ACSM4: variants seen among roughly 807,000 people sequenced by gnomAD.
ACSM4 encodes the protein acyl-CoA synthetase medium chain family member 4, also known as acyl-coenzyme A synthetase ACSM4, mitochondrial.
A neutral mutation model predicts 73.0 loss-of-function variants in ACSM4; 66 were observed. The ratio of observed to expected loss-of-function variants is 0.90; its 90% CI spans 0.74 to 1.11. ACSM4 has a LOEUF of 1.11. ACSM4 is among the 50% of genes least tolerant of loss of function. ACSM4 has a pLI of 0.00. For synonymous variants in ACSM4, 222 were observed against 254.0 expected, an observed-to-expected ratio of 0.87 and a Z score of 1.20; for missense variants, 645 against 714.4, an observed-to-expected ratio of 0.90 and a Z score of 1.11.
At chr12:7,310,039 C>T (rs1200609424) in intron 2 of ACSM4, among the ~76,000 whole-genome samples, 1 of 152,184 alleles carries the variant, frequency 6.6e-6, no homozygotes, top group African/African-American at 2.4e-5. Flanking sequence ...CTACTGGCCT[C>T]GCCTCCCAAA....
At chr12:7,304,702 C>T (rs888116805) in intron 1 of ACSM4, among the ~76,000 whole-genome samples, 170 bp downstream of exon 1, 2 of 152,146 alleles carry the variant, frequency 1.3e-5, no homozygotes, top group Non-Finnish European at 2.9e-5. Flanking sequence ...ATCTTAGATC[C>T]TCAGCCACAA....
At chr12:7,305,530 G>C (rs1225263172) in intron 1 of ACSM4, among the ~76,000 whole-genome samples, 1 of 152,134 alleles carries the variant, frequency 6.6e-6, no homozygotes, top group Non-Finnish European at 1.5e-5. Context: ...TAACAACCTG[G>C]GAGGTTTGCA....
chr12:7,314,708 TA>T (rs1160558337), intron 3 of ACSM4, among the ~76,000 whole-genome samples: 2 of 152,106 alleles, frequency 1.3e-5, no homozygotes, highest in East Asian at 3.8e-4. Context: ...TGTTTAAACA[TA>T]AGAGGTCTCC....
At chr12:7,317,026 C>G in intron 3 of ACSM4, 111 bp from the exon 4 acceptor site, 2 of 1,342,342 alleles carry the variant, frequency 1.5e-6, no homozygotes, top group African/African-American at 3.0e-5. Context: ...AGGTTCAGTT[C>G]TGTTAACTAT....
chr12:7,322,362 G>C, intron 6 of ACSM4, 56 bp from the exon 7 acceptor site: 8 of 1,608,740 alleles, frequency 5.0e-6, no homozygotes, highest in Non-Finnish European at 6.8e-6. Context: ...TAATTGTCTT[G>C]CAGTGAAAGC....
chr12:7,323,467 T>C lies in ACSM4; in HGVS notation c.1215T>C (p.Asp405=), dbSNP rs955641340. The change falls in exon 9 of 13, where the codon GAT becomes GAC. Residue 405 remains aspartate (D), a synonymous_variant. Coordinates refer to ENST00000399422, the MANE Select transcript of ACSM4 (RefSeq NM_001080454.2). ...TATTTCTTTCATTCCAGATTATAGA[T>C]GAAAATGGCAATGTTCTACCACCTG... ...GMLPYDVQII[D]ENGNVLPPGK... is the part of the protein sequence containing the mutation. 5.0e-6 allele frequency: 8 copies of C among 1,613,732 alleles called. No homozygotes were observed. Among genetic ancestry groups the C allele is most frequent in the Non-Finnish European group, 6.8e-6 (8 of 1,179,804 alleles).
intron 5 of ACSM4, chr12:7,318,520 A>G (rs1946437677): frequency 5.0e-6 from 1 of 199,396 alleles, no homozygotes; most frequent in Admixed American, 5.7e-5. Flanking sequence ...ATTCAATGAA[A>G]TAAAGATAAT....
Position 7,317,145 on chromosome 12 carries a change from C to T in ACSM4, c.629C>T (p.Ser210Phe). 6.2e-7 allele frequency: 1 copy of T among 1,611,138 alleles called. No homozygotes were observed. Among genetic ancestry groups the T allele is most frequent in the East Asian group, 2.2e-5 (1 of 44,690 alleles). Residue 210 changes from serine to phenylalanine, a missense_variant, in exon 4 of 13, where the codon TCT becomes TTT. Transcript: ENST00000399422. The stretch of plus-strand genomic sequence containing the variant: ...GGGTCCATATTTTGCAGATTCGCCT[C>T]TGAAGAGCACAGCTGTGTGGAAACA... ...LSFQELFQFA[S>F]EEHSCVETGS...
chr12:7,310,224 A>C (rs1281561310), intron 2 of ACSM4, among the ~76,000 whole-genome samples: 1 of 152,216 alleles, frequency 6.6e-6, no homozygotes, highest in East Asian at 1.9e-4. Flanking sequence ...CCACCATTAT[A>C]ATGTCTGCTC....
chr12:7,310,189 C>T (rs1452559010), intron 2 of ACSM4, among the ~76,000 whole-genome samples: 3 of 152,178 alleles, frequency 2.0e-5, no homozygotes, highest in African/African-American at 7.2e-5. Flanking sequence ...TCAAACGTGA[C>T]ATTAAAATGT....
chr12:7,316,821 A>G (rs1329653699), intron 3 of ACSM4, among the ~76,000 whole-genome samples: 1 of 152,190 alleles, frequency 6.6e-6, no homozygotes, highest in Non-Finnish European at 1.5e-5. Flanking sequence ...CTTAAAACAC[A>G]CTTGGAAAAA....
chr12:7,314,961 C>A (rs1946411044), intron 3 of ACSM4, among the ~76,000 whole-genome samples: 1 of 151,688 alleles, frequency 6.6e-6, no homozygotes, highest in African/African-American at 2.4e-5. Flanking sequence ...TTTGGGATCC[C>A]AAGGCAGGCA....
chr12:7,317,645 T>A (rs1565753827), intron 4 of ACSM4, among the ~76,000 whole-genome samples: 1 of 152,250 alleles, frequency 6.6e-6, no homozygotes, highest in Non-Finnish European at 1.5e-5. Context: ...TAATTACATT[T>A]ATTAATGTAC....
intron 11 of ACSM4, among the ~76,000 whole-genome samples, chr12:7,325,225 A>G (rs1946495076): frequency 6.6e-6 from 1 of 152,268 alleles, no homozygotes; most frequent in African/African-American, 2.4e-5. Context: ...AAGTTAGGGT[A>G]ATACTCCATA....
In ACSM4 at chr12:7,320,815, A is replaced by G. The variant is rs116375909; in HGVS notation, c.1001+11A>G. On this transcript the variant is annotated intron_variant, in intron 6 of 12. Transcript: ENST00000399422. ...AAAAGACCTTAAGAGGTACTTGGGC[A>G]GAAATCTCCATTTGAACCACAAACA... 1.2e-3 allele frequency: 1,935 copies of G among 1,599,700 alleles called. 25 individuals carry two copies. The African/African-American group carries it at 0.023, about 19-fold the overall frequency.
chr12:7,304,669 G>A lies in ACSM4; in HGVS notation c.201+137G>A, dbSNP rs991899003. 17 of 946,462 alleles carry A rather than the reference G, an allele frequency of 1.8e-5. No individual in the cohort carries two copies. In the East Asian group the frequency reaches 2.1e-4, roughly 12 times the overall value. 58.6% of individuals were successfully genotyped at this position (946,462 alleles called of 1,614,324 possible). A position where few individuals can be genotyped will look rare whatever the true frequency, so the allele number is the denominator to read the frequency against. ...GGTTTCCTTTGTTTGTTTTCCAATT[G>A]CCCTCCCCTCTCCCCAGGGAAGATC... On this transcript the variant is annotated intron_variant, in intron 1 of 12. Transcript: ENST00000399422.
chr12:7,321,337 C>T (rs1013435853), intron 6 of ACSM4, among the ~76,000 whole-genome samples: 4 of 152,158 alleles, frequency 2.6e-5, no homozygotes. Flanking sequence ...TATGAACATC[C>T]AGTAGAGTTG....
chr12:7,308,404 T>C (rs1344519556), intron 2 of ACSM4, among the ~76,000 whole-genome samples: 1 of 152,214 alleles, frequency 6.6e-6, no homozygotes, highest in African/African-American at 2.4e-5. Context: ...GATTATATTT[T>C]CTAACTCAGA....
chr12:7,308,467 C>A (rs1946372839), intron 2 of ACSM4, among the ~76,000 whole-genome samples: 1 of 152,070 alleles, frequency 6.6e-6, no homozygotes, highest in African/African-American at 2.4e-5. Flanking sequence ...TATCACATAG[C>A]AAAATATTTT....
Sources: gnomAD v4.1 joint callset for allele counts (sites outside exome capture counted in the v4.1 genomes callset) on GRCh38, gnomAD v4.1.1 for gene constraint, MANE v1.5 for transcripts, NCBI Gene and HGNC (gene_info 2026-07-23, HGNC 2026-07-21) for gene names.